Variants in OPHN1 observed in about 807,000 individuals in gnomAD.
The protein encoded by OPHN1 is oligophrenin-1.
In OPHN1, 11 loss-of-function variants were observed where a neutral mutation model predicts 60.7. That is an observed-to-expected ratio of 0.18 (90% CI 0.11 to 0.30). The LOEUF is 0.30. OPHN1 is among the 10% of genes least tolerant of loss of function. The pLI is 1.00. For missense variants in OPHN1, 449 were observed against 611.0 expected, an observed-to-expected ratio of 0.73 and a Z score of 2.80; for synonymous variants, 226 against 222.6, an observed-to-expected ratio of 1.02 and a Z score of -0.14.
Position 68,092,582 on chromosome X carries a change from A to G in OPHN1, c.1686+4288T>C, listed in dbSNP as rs761418923. 7.1e-5 allele frequency among the ~76,000 whole-genome samples: 8 copies of G among 111,934 alleles called. No homozygotes were observed. The South Asian group carries it at 3.0e-3, about 42-fold the overall frequency. On this transcript the variant is annotated intron_variant, in intron 19 of 24. Coordinates refer to ENST00000355520, the MANE Select transcript of OPHN1 (RefSeq NM_002547.3). ...GGTCAGAACTTCGACTACTTAACAC[A>G]TATTAACAGGTTACAACGGTGTGAA...
In OPHN1 at chrX:68,280,694, G is replaced by A. The variant is rs142583068; in HGVS notation, c.312+2362C>T. The stretch of plus-strand genomic sequence containing the variant: ...CTAATAAAAATGAATATTGATCAAC[G>A]CATACATTTCAACATTTAAGTCCCC... On this transcript the variant is annotated intron_variant, in intron 4 of 24. Coordinates refer to ENST00000355520, the MANE Select transcript of OPHN1 (RefSeq NM_002547.3). Among the ~76,000 whole-genome samples the A allele has an allele frequency of 8.1e-5, 9 of 111,533 alleles. No homozygotes were observed. The East Asian group carries it at 1.1e-3, about 14-fold the overall frequency.
At chrX:68,428,762 G>T (rs1180584578) in intron 2 of OPHN1, among the ~76,000 whole-genome samples, 1 of 111,985 alleles carries the variant, frequency 8.9e-6, no homozygotes, top group Non-Finnish European at 1.9e-5. Flanking sequence ...CAACATTGGG[G>T]ACTGAAGCTA....
At chrX:68,092,629 A>G (rs1414312289) in intron 19 of OPHN1, among the ~76,000 whole-genome samples, 1 of 111,557 alleles carries the variant, frequency 9.0e-6, no homozygotes, top group Non-Finnish European at 1.9e-5. Flanking sequence ...ACAGCTGACC[A>G]CTAGTTAATA....
intron 20 of OPHN1, chrX:68,071,128 T>A: frequency 1.1e-6 from 1 of 926,359 alleles, no homozygotes; most frequent in South Asian, 2.0e-5. Context: ...GTCTGCAAAT[T>A]TAGCTCCACC....
chrX:68,278,036 A>T (rs1187908326), intron 4 of OPHN1, among the ~76,000 whole-genome samples: 1 of 111,655 alleles, frequency 9.0e-6, no homozygotes, highest in African/African-American at 3.3e-5. Context: ...AAGGCCACTG[A>T]CTTTTACATG....
chrX:68,292,969 T>C (rs59736823), intron 3 of OPHN1, among the ~76,000 whole-genome samples: 38,966 of 110,856 alleles, frequency 0.35, 8,868 homozygotes, highest in African/African-American at 0.85. Flanking sequence ...TGAAAGATAA[T>C]CAATATTGTG....
At chrX:68,299,586 C>T (rs937530399) in intron 2 of OPHN1, among the ~76,000 whole-genome samples, 2 of 111,420 alleles carry the variant, frequency 1.8e-5, no homozygotes, top group Non-Finnish European at 3.8e-5. Flanking sequence ...ACAGGTACCA[C>T]CTGGACATTT....
At chrX:68,339,713 G>A (rs1040430541) in intron 2 of OPHN1, among the ~76,000 whole-genome samples, 4 of 111,313 alleles carry the variant, frequency 3.6e-5, no homozygotes, top group African/African-American at 6.5e-5. Context: ...AGTGATTCTC[G>A]TGCTTCAGCC....
chrX:68,398,653 T>C (rs769349841), intron 2 of OPHN1, among the ~76,000 whole-genome samples: 1 of 111,130 alleles, frequency 9.0e-6, no homozygotes, highest in Non-Finnish European at 1.9e-5. Context: ...GGGTCCTAAA[T>C]ATATACAAAA....
intron 2 of OPHN1, among the ~76,000 whole-genome samples, chrX:68,337,935 A>G (rs2078332571): frequency 8.9e-6 from 1 of 112,127 alleles, no homozygotes; most frequent in Non-Finnish European, 1.9e-5. Context: ...CATAATACAT[A>G]AAATAAACAA....
chrX:68,133,262 C>A, intron 15 of OPHN1: 1 of 648,726 alleles, frequency 1.5e-6, no homozygotes, highest in African/African-American at 2.1e-5. Context: ...CACATTTACC[C>A]TCTGACAAAT....
intron 2 of OPHN1, among the ~76,000 whole-genome samples, chrX:68,311,157 A>T (rs1330053088): frequency 9.0e-6 from 1 of 111,256 alleles, no homozygotes; most frequent in Non-Finnish European, 1.9e-5. Flanking sequence ...TCCCCAGCTA[A>T]GGTGGTTGGA....
chrX:68,126,514 G>C (rs1007064707), intron 15 of OPHN1, among the ~76,000 whole-genome samples: 1 of 110,178 alleles, frequency 9.1e-6, no homozygotes, highest in Admixed American at 9.7e-5. Flanking sequence ...GCGCAATCTC[G>C]GCTCACTGCA....
At chrX:68,079,510 A>G (rs1273456037) in intron 19 of OPHN1, among the ~76,000 whole-genome samples, 2 of 111,443 alleles carry the variant, frequency 1.8e-5, no homozygotes, top group Non-Finnish European at 3.8e-5. Context: ...CTCTCTCTTT[A>G]CCTTTCTGCT....
chrX:68,250,410 T>C (rs1165673741), intron 5 of OPHN1, among the ~76,000 whole-genome samples: 1 of 111,569 alleles, frequency 9.0e-6, no homozygotes, highest in African/African-American at 3.3e-5. Flanking sequence ...CATTTTAGAG[T>C]TGAAAACAAG....
At chrX:68,374,303 C>T (rs1374870943) in intron 2 of OPHN1, among the ~76,000 whole-genome samples, 1 of 106,549 alleles carries the variant, frequency 9.4e-6, no homozygotes, top group African/African-American at 3.5e-5. Context: ...TTGCAGTGAA[C>T]CGAGATCACG....
chrX:68,362,573 C>T (rs1209782583), intron 2 of OPHN1, among the ~76,000 whole-genome samples: 3 of 110,872 alleles, frequency 2.7e-5, no homozygotes, highest in African/African-American at 9.8e-5. Context: ...TTGATTTAGC[C>T]GTTCTACGTG....
intron 5 of OPHN1, among the ~76,000 whole-genome samples, chrX:68,257,075 G>A (rs953297839): frequency 1.8e-5 from 2 of 110,540 alleles, no homozygotes; most frequent in African/African-American, 6.6e-5. Context: ...AAGACATAAT[G>A]CTATTGAACC....
At chrX:68,354,013 G>A (rs1602348827) in intron 2 of OPHN1, among the ~76,000 whole-genome samples, 1 of 112,002 alleles carries the variant, frequency 8.9e-6, no homozygotes, top group Middle Eastern at 4.6e-3. Context: ...CAAAGAATAA[G>A]GTTCCTATTC....
Sources: gnomAD v4.1 joint callset for allele counts (sites outside exome capture counted in the v4.1 genomes callset) on GRCh38, gnomAD v4.1.1 for gene constraint, MANE v1.5 for transcripts, NCBI Gene and HGNC (gene_info 2026-07-23, HGNC 2026-07-21) for gene names.